Variants in MTR observed in about 807,000 individuals in gnomAD.
The protein encoded by MTR is 5-methyltetrahydrofolate-homocysteine methyltransferase.
A neutral mutation model predicts 154.8 loss-of-function variants in MTR; 84 were observed. The observed-to-expected ratio is 0.54, with a 90% CI of 0.45 to 0.65. MTR has a LOEUF of 0.65. Among genes scored for constraint, MTR ranks in the 30% least tolerant of loss-of-function variants. The pLI is 0.00. For synonymous variants in MTR, 554 were observed against 553.9 expected (o/e 1.00, Z 0.00); for missense variants, 1,275 against 1,570.2 (o/e 0.81, Z 3.18).
rs1442336543 is a variant in MTR, at chr1:236,897,543, T to G, written c.3712-15T>G. 1.2e-6 allele frequency: 2 copies of G among 1,610,460 alleles called. No individual in the cohort carries two copies. Among genetic ancestry groups the G allele is most frequent in the Admixed American group, 1.7e-5 (1 of 60,006 alleles). On this transcript the variant is annotated splice_polypyrimidine_tract_variant and intron_variant, in intron 32 of 32. Transcript: ENST00000366577. Reference sequence around the variant, plus strand: ...TATCATGTTGGTTTAATAAAATGCTTCTCATCTTTTGCAGGTTGAGGATTA... The same window carrying G: ...TATCATGTTGGTTTAATAAAATGCTGCTCATCTTTTGCAGGTTGAGGATTA...
intron 15 of MTR, among the ~76,000 whole-genome samples, chr1:236,842,902 A>G (rs1399647162): frequency 6.6e-6 from 1 of 151,772 alleles, no homozygotes; most frequent in Non-Finnish European, 1.5e-5. Flanking sequence ...CCTGGCCAAC[A>G]TGGTGAAACC....
intron 5 of MTR, among the ~76,000 whole-genome samples, chr1:236,810,943 C>A (rs886519293): frequency 2.2e-4 from 33 of 152,180 alleles, no homozygotes; most frequent in African/African-American, 8.0e-4. Context: ...CACACAATAT[C>A]CTCATTTATC....
At chr1:236,893,253 G>A (rs1666431220) in intron 29 of MTR, among the ~76,000 whole-genome samples, 1 of 152,172 alleles carries the variant, frequency 6.6e-6, no homozygotes, top group Admixed American at 6.5e-5. Context: ...TGACATTCCT[G>A]TGTGCCATTA....
At chr1:236,895,160 A>T in intron 30 of MTR, 198 bp from the exon 31 acceptor site, 1 of 666,970 alleles carries the variant, frequency 1.5e-6, no homozygotes, top group South Asian at 1.8e-5. Context: ...GTTGAGGCCA[A>T]AATTGAGCTG....
intron 23 of MTR, among the ~76,000 whole-genome samples, chr1:236,874,041 C>T (rs983125609): frequency 8.5e-5 from 13 of 152,082 alleles, no homozygotes; most frequent in Middle Eastern, 6.3e-3. Context: ...ACTATGGAAC[C>T]GAGTCCTGGA....
intron 22 of MTR, among the ~76,000 whole-genome samples, chr1:236,870,401 G>T (rs1233309238): frequency 2.6e-5 from 4 of 152,158 alleles, no homozygotes; most frequent in Admixed American, 1.3e-4. Context: ...TCAGCCCTTG[G>T]ACCTCTTCTC....
intron 9 of MTR, among the ~76,000 whole-genome samples, chr1:236,825,011 C>T (rs1012159586): frequency 2.0e-5 from 3 of 152,024 alleles, no homozygotes; most frequent in Admixed American, 1.3e-4. Flanking sequence ...CACCCCCAAG[C>T]GGCTATGTAA....
At chr1:236,863,318 G>A (rs773403089) in intron 21 of MTR, 136 bp from the exon 22 acceptor site, 81 of 763,700 alleles carry the variant, frequency 1.1e-4, no homozygotes, top group African/African-American at 3.4e-4. Flanking sequence ...TTTGGGCTTC[G>A]GTTTCCAGGT....
In MTR at chr1:236,863,768, A is replaced by T. The variant is rs533835894; in HGVS notation, c.2405+214A>T. ...TAGTAATTATCCGTGTTCAAAAAGG[A>T]CATAAAGAATAGTAAAAGCTATTCA... On this transcript the variant is annotated intron_variant, in intron 22 of 32. Transcript: ENST00000366577. Among the ~76,000 whole-genome samples, 7 of 152,330 alleles carry T rather than the reference A, an allele frequency of 4.6e-5. 1 individual carries two copies. In the South Asian group the frequency reaches 1.4e-3, roughly 32 times the overall value.
In MTR at chr1:236,901,167, GC is replaced by G. The variant is rs1666901166; in HGVS notation, c.*3524del. ...ATGAAGAGCGTTTCGAAGCATGCCA[GC>G]AGAACCCAATGCTGCAAAGAGGCCT... On this transcript the variant is annotated 3_prime_UTR_variant, in exon 33 of 33. Coordinates refer to ENST00000366577, the MANE Select transcript of MTR (RefSeq NM_000254.3). 1 of 152,736 alleles carries G rather than the reference GC, an allele frequency of 6.5e-6. No homozygotes were observed. Among genetic ancestry groups the G allele is most frequent in the Admixed American group, 6.5e-5 (1 of 15,272 alleles). The allele number at this position is 152,736 out of a possible 1,614,324, so 9.5% of individuals were successfully genotyped here.
chr1:236,888,407 A>G (rs565562267), intron 27 of MTR, among the ~76,000 whole-genome samples: 1 of 152,352 alleles, frequency 6.6e-6, no homozygotes, highest in South Asian at 2.1e-4. Context: ...ACCATTATTT[A>G]AATTATGATG....
intron 8 of MTR, among the ~76,000 whole-genome samples, chr1:236,823,369 T>A (rs1362844516): frequency 6.6e-6 from 1 of 152,152 alleles, no homozygotes; most frequent in South Asian, 2.1e-4. Flanking sequence ...CTCAAAAAGT[T>A]TCATATTTTG....
At chr1:236,887,264 T>C (rs1666063421) in intron 27 of MTR, among the ~76,000 whole-genome samples, 1 of 152,224 alleles carries the variant, frequency 6.6e-6, no homozygotes, top group Non-Finnish European at 1.5e-5. Context: ...TCATCCTTGC[T>C]GAGTTCAGCG....
In MTR at chr1:236,803,522, G is replaced by T. The variant is rs138229278; in HGVS notation, c.129G>T (p.Arg43=). The change falls in exon 2 of 33, where the codon CGG becomes CGT. Residue 43 remains arginine, a synonymous_variant. Transcript: ENST00000366577. ...GAGGGATGGGGACCATGATCCAGCG[G>T]GAGAAGCTAAACGAAGAACACTTCC... ...LDGGMGTMIQ[R]EKLNEEHFRG... 7.8e-5 allele frequency: 126 copies of T among 1,614,030 alleles called. No homozygotes were observed. The Middle Eastern group carries it at 2.0e-3, about 25-fold the overall frequency.
chr1:236,894,267 T>G (rs1435315116), intron 29 of MTR, 90 bp from the exon 30 acceptor site: 2 of 1,271,940 alleles, frequency 1.6e-6, no homozygotes, highest in Non-Finnish European at 2.3e-6. Context: ...TTATTCTCAT[T>G]TGACGATACC....
chr1:236,897,206 G>C (rs1666672484), intron 32 of MTR, 88 bp downstream of exon 32: 2 of 1,054,236 alleles, frequency 1.9e-6, no homozygotes, highest in South Asian at 2.5e-5. Context: ...TGAGAATAAA[G>C]TGAGGGGAAA....
rs1419221598 is a variant in MTR at position 236,902,651 on chromosome 1, TC to T, written c.*5009del. ...CAGTGCCTGCCATGAAATTGTTCACTCCATCAAGCCTTGTTAAATGAGTTCG... is the reference window on the plus strand; with the variant it reads ...CAGTGCCTGCCATGAAATTGTTCACTCATCAAGCCTTGTTAAATGAGTTCG... On this transcript the variant is annotated 3_prime_UTR_variant, in exon 33 of 33. Coordinates refer to ENST00000366577, the MANE Select transcript of MTR (RefSeq NM_000254.3). 6.6e-6 allele frequency: 1 copy of T among 152,204 alleles called. No homozygotes were observed. Among genetic ancestry groups the T allele is most frequent in the Non-Finnish European group, 1.5e-5 (1 of 68,068 alleles). The allele number at this position is 152,204 out of a possible 1,614,324, so 9.4% of individuals were successfully genotyped here.
intron 27 of MTR, 118 bp from the exon 28 acceptor site, chr1:236,889,063 C>A: frequency 1.6e-6 from 2 of 1,232,608 alleles, no homozygotes; most frequent in Non-Finnish European, 2.4e-6. Context: ...ACAACTCCTA[C>A]GGGTGACAGG....
chr1:236,862,111 A>C, intron 20 of MTR, 125 bp from the exon 21 acceptor site: 1 of 799,430 alleles, frequency 1.3e-6, no homozygotes, highest in Non-Finnish European at 2.3e-6. Flanking sequence ...CTGTCAAAAG[A>C]CTCCAGTGTA....
Sources: allele counts gnomAD v4.1 joint callset (sites outside exome capture counted in the v4.1 genomes callset), GRCh38; gene constraint gnomAD v4.1.1; transcripts MANE v1.5; gene names NCBI Gene and HGNC (gene_info 2026-07-23, HGNC 2026-07-21).